Variants in KIRREL3 observed in about 807,000 individuals in gnomAD.
KIRREL3 encodes kirre like nephrin family adhesion molecule 3.
A neutral mutation model predicts 89.7 loss-of-function variants in KIRREL3; 36 were observed. That is an observed-to-expected ratio of 0.40 (90% CI 0.31 to 0.53). KIRREL3 has a LOEUF of 0.53. Ranked by LOEUF, KIRREL3 falls within the 20% of genes least tolerant of loss-of-function variation. KIRREL3 has a pLI of 0.49. For synonymous variants in KIRREL3, 445 were observed against 441.4 expected, an observed-to-expected ratio of 1.01 and a Z score of -0.10; for missense variants, 864 against 1,056.6, an observed-to-expected ratio of 0.82 and a Z score of 2.53.
chr11:126,738,128 C>T (rs1016723891), intron 1 of KIRREL3, among the ~76,000 whole-genome samples: 2 of 152,134 alleles, frequency 1.3e-5, no homozygotes, highest in Non-Finnish European at 2.9e-5. Flanking sequence ...ACGAGTATAC[C>T]TAGACCTTCC....
intron 1 of KIRREL3, among the ~76,000 whole-genome samples, chr11:126,855,909 A>C (rs544284425): frequency 6.6e-6 from 1 of 152,188 alleles, no homozygotes; most frequent in South Asian, 2.1e-4. Flanking sequence ...GACAGGGCCT[A>C]TGGACCCAGC....
At position 126,491,228 on chromosome 11, in the gene KIRREL3, G is replaced by A. The variant is rs1957504484; in HGVS notation, c.434-17762C>T. 6.6e-6 allele frequency among the ~76,000 whole-genome samples: 1 copy of A among 152,200 alleles called. No individual in the cohort carries two copies. Among genetic ancestry groups the A allele is most frequent in the Non-Finnish European group, 1.5e-5 (1 of 68,040 alleles). On this transcript the variant is annotated intron_variant, in intron 4 of 16. Coordinates refer to ENST00000525144, the MANE Select transcript of KIRREL3 (RefSeq NM_032531.4). This position sits in a 1 kb window ranked among gnomAD's most constrained non-coding sequence, Gnocchi z 5.5. Reference sequence around the variant, plus strand: ...AGTGGGCATGGCGGTGAAACCACCTGAGGGTCAGGAAGGCTGAGTGAAGGC... The same window carrying A: ...AGTGGGCATGGCGGTGAAACCACCTAAGGGTCAGGAAGGCTGAGTGAAGGC...
intron 1 of KIRREL3, among the ~76,000 whole-genome samples, chr11:126,829,129 T>C (rs770855990): frequency 3.3e-5 from 5 of 152,292 alleles, no homozygotes; most frequent in Middle Eastern, 3.4e-3. Flanking sequence ...GGGACATCCA[T>C]GGTGCTGGCG....
intron 4 of KIRREL3, among the ~76,000 whole-genome samples, chr11:126,480,578 G>C (rs1239693526): frequency 6.6e-6 from 1 of 152,232 alleles, no homozygotes; most frequent in Non-Finnish European, 1.5e-5. Flanking sequence ...AGTTAGAGCA[G>C]CTCCCAGACT....
intron 1 of KIRREL3, among the ~76,000 whole-genome samples, chr11:126,862,066 A>AGTGAAGGCGTTCCATGCTGTCCAG (rs1944723697): frequency 6.6e-6 from 1 of 152,214 alleles, no homozygotes; most frequent in Non-Finnish European, 1.5e-5. Context: ...GCCACAGCCG[A>AGTGAAGGCGTTCCATGCTGTCCAG]GTGAAGGCGT....
At chr11:126,442,260 CA>C (rs35542298) in intron 10 of KIRREL3, among the ~76,000 whole-genome samples, 12 of 70,464 alleles carry the variant, frequency 1.7e-4, no homozygotes, top group African/African-American at 3.5e-4. Flanking sequence ...GACTCCAGCT[CA>C]AAAAAAAAAA....
In KIRREL3 at chr11:126,475,839, G is replaced by C. The variant is rs1957048774; in HGVS notation, c.434-2373C>G. ...GAATTGCATCTCCACGCGGTGAGTG[G>C]GGGACTTGCAGCAGGAAGAGCAGGG... On this transcript the variant is annotated intron_variant, in intron 4 of 16. Coordinates refer to ENST00000525144, the MANE Select transcript of KIRREL3 (RefSeq NM_032531.4). This position sits in a 1 kb window ranked among gnomAD's most constrained non-coding sequence, Gnocchi z 7.5. Among the ~76,000 whole-genome samples, 1 of 152,228 alleles carries C rather than the reference G, an allele frequency of 6.6e-6. No homozygotes were observed. Among genetic ancestry groups the C allele is most frequent in the African/African-American group, 2.4e-5 (1 of 41,462 alleles).
chr11:126,480,961 A>C (rs1353802960), intron 4 of KIRREL3, among the ~76,000 whole-genome samples: 1 of 152,192 alleles, frequency 6.6e-6, no homozygotes, highest in Non-Finnish European at 1.5e-5. Flanking sequence ...TAGAGACAAG[A>C]GGGAGCTGAC....
chr11:126,981,480 T>A lies in KIRREL3; in HGVS notation c.55+18975A>T, dbSNP rs938318015. 6.6e-5 allele frequency among the ~76,000 whole-genome samples: 10 copies of A among 152,182 alleles called. No individual in the cohort carries two copies. The highest frequency in any genetic ancestry group is 2.2e-4 in the African/African-American group (9 of 41,438). Reference sequence around the variant, plus strand: ...GGATTCCAGGCAGAAGACAGTCCAGTACCTTCCTAAGTCACTAAGGAAGAG... The same window carrying A: ...GGATTCCAGGCAGAAGACAGTCCAGAACCTTCCTAAGTCACTAAGGAAGAG... On this transcript the variant is annotated intron_variant, in intron 1 of 16. Transcript: ENST00000525144. This position sits in a 1 kb window ranked among gnomAD's most constrained non-coding sequence, Gnocchi z 4.2.
In KIRREL3 at chr11:126,985,147, C is replaced by A. The variant is rs569525851; in HGVS notation, c.55+15308G>T. On this transcript the variant is annotated intron_variant, in intron 1 of 16. Coordinates refer to ENST00000525144, the MANE Select transcript of KIRREL3 (RefSeq NM_032531.4). The surrounding 1 kb of genome is among the most constrained non-coding windows in gnomAD (Gnocchi z 5.3). ...GGTGCTCATAGGTACTCGAGTTGTA[C>A]AAGGCAATAATAATGATAAATAGAG... Among the ~76,000 whole-genome samples, 13 of 152,170 alleles carry A rather than the reference C, an allele frequency of 8.5e-5. No individual in the cohort carries two copies. Among genetic ancestry groups the A allele is most frequent in the Admixed American group, 1.3e-4 (2 of 15,298 alleles).
chr11:126,923,135 T>C (rs1565422710), intron 1 of KIRREL3, among the ~76,000 whole-genome samples: 3 of 10,344 alleles, frequency 2.9e-4, no homozygotes, highest in Non-Finnish European at 3.6e-4. Flanking sequence ...TCTTCTCTTC[T>C]TCTTCTTCTT....
At chr11:126,559,266 C>T (rs1939934060) in intron 2 of KIRREL3, among the ~76,000 whole-genome samples, 1 of 152,316 alleles carries the variant, frequency 6.6e-6, no homozygotes, top group South Asian at 2.1e-4. Context: ...CTGAGGCGCT[C>T]CTTTTCAATA....
intron 8 of KIRREL3, among the ~76,000 whole-genome samples, chr11:126,447,661 T>A (rs947378599): frequency 9.9e-5 from 15 of 152,094 alleles, no homozygotes; most frequent in Admixed American, 4.6e-4. Context: ...CCAAGCTTGG[T>A]CTACACAGTG....
At chr11:126,913,097 C>T (rs1946892768) in intron 1 of KIRREL3, among the ~76,000 whole-genome samples, 1 of 152,220 alleles carries the variant, frequency 6.6e-6, no homozygotes, top group Admixed American at 6.5e-5. Flanking sequence ...CGCTGCTGTT[C>T]TGTAACACCT....
In KIRREL3 at chr11:126,516,748, C is replaced by T. The variant is rs1025495439; in HGVS notation, c.433+4567G>A. On this transcript the variant is annotated intron_variant, in intron 4 of 16. Coordinates refer to ENST00000525144, the MANE Select transcript of KIRREL3 (RefSeq NM_032531.4). This position sits in a 1 kb window ranked among gnomAD's most constrained non-coding sequence, Gnocchi z 4.9. ...CTGGGACAGTTTCAATATTTTTCAA[C>T]CCTGGGATTCCTGTAGGTGGAAGAA... is the stretch of plus-strand genomic sequence containing the variant. 3.3e-5 allele frequency among the ~76,000 whole-genome samples: 5 copies of T among 152,174 alleles called. No individual in the cohort carries two copies. The highest frequency in any genetic ancestry group is 5.9e-5 in the Non-Finnish European group (4 of 68,036).
chr11:126,757,211 C>A (rs1048979840), intron 1 of KIRREL3, among the ~76,000 whole-genome samples: 10 of 151,704 alleles, frequency 6.6e-5, no homozygotes, highest in Non-Finnish European at 1.5e-5. Context: ...AAATTAAAAG[C>A]TGTGCTACAT....
intron 1 of KIRREL3, among the ~76,000 whole-genome samples, chr11:126,916,090 C>T (rs1442717319): frequency 6.6e-6 from 1 of 152,194 alleles, no homozygotes; most frequent in Non-Finnish European, 1.5e-5. Flanking sequence ...AGTGCTTCCA[C>T]ACCTAGTGAT....
chr11:126,714,585 G>T (rs1451867663), intron 1 of KIRREL3, among the ~76,000 whole-genome samples: 1 of 152,172 alleles, frequency 6.6e-6, no homozygotes, highest in Non-Finnish European at 1.5e-5. Context: ...GATAGGTATG[G>T]GGCTGGTGGG....
At chr11:126,972,168 T>TAGAGAGAGAGAAAG (rs1949440889) in intron 1 of KIRREL3, among the ~76,000 whole-genome samples, 1 of 119,842 alleles carries the variant, frequency 8.3e-6, no homozygotes, top group Non-Finnish European at 1.8e-5. Flanking sequence ...GAGGGTCTGG[T>TAGAGAGAGAGAAAG]AGAGAGAGAG....
Sources: gnomAD v4.1 joint callset for allele counts (sites outside exome capture counted in the v4.1 genomes callset) on GRCh38, gnomAD v4.1.1 for gene constraint, Gnocchi (gnomAD v3.1) non-coding constraint, MANE v1.5 for transcripts, NCBI Gene and HGNC (gene_info 2026-07-23, HGNC 2026-07-21) for gene names.